Variants in ABCA12 observed in about 807,000 individuals in gnomAD.
The protein encoded by ABCA12 is glucosylceramide transporter ABCA12.
In ABCA12, 156 loss-of-function variants were observed where a neutral mutation model predicts 293.5. The ratio of observed to expected loss-of-function variants is 0.53; its 90% confidence interval spans 0.47 to 0.61. The LOEUF (loss-of-function observed/expected upper bound fraction) is 0.61, where lower values mean the gene tolerates loss of function less well. Among genes scored for constraint, ABCA12 ranks in the 20% least tolerant of loss-of-function variants. The probability of loss-of-function intolerance (pLI) is 0.00; values close to 1 mark genes in which losing one functional copy is unlikely to be tolerated. For missense variants in ABCA12, 2,797 were observed against 3,090.2 expected, an observed-to-expected ratio of 0.91 and a Z score of 2.25; for synonymous variants, 1,063 against 1,108.0, an observed-to-expected ratio of 0.96 and a Z score of 0.81.
intron 2 of ABCA12, among the ~76,000 whole-genome samples, chr2:215,087,827 A>G (rs1702072073): frequency 6.6e-6 from 1 of 152,202 alleles, no homozygotes; most frequent in South Asian, 2.1e-4. Context: ...GAGGAGCCTG[A>G]AGTACCATAA....
chr2:214,943,337 G>A (rs1476593662), intron 49 of ABCA12, among the ~76,000 whole-genome samples: 1 of 151,808 alleles, frequency 6.6e-6, no homozygotes, highest in East Asian at 1.9e-4. Flanking sequence ...AGAGATGGGG[G>A]TCTTGCCATG....
At chr2:215,022,504 T>C (rs1700652735) in intron 11 of ABCA12, 1 of 152,242 alleles carries the variant, frequency 6.6e-6, no homozygotes, top group Admixed American at 6.5e-5. Flanking sequence ...TCACAGATCA[T>C]TAATCATCAA....
At chr2:215,030,761 G>A (rs983679514) in intron 9 of ABCA12, among the ~76,000 whole-genome samples, 2 of 152,148 alleles carry the variant, frequency 1.3e-5, no homozygotes, top group Non-Finnish European at 2.9e-5. Flanking sequence ...TTTATGCAAG[G>A]ATTTTGGCCA....
chr2:215,137,521 G>A (rs1046009504), intron 1 of ABCA12, among the ~76,000 whole-genome samples: 19 of 152,246 alleles, frequency 1.2e-4, no homozygotes, highest in East Asian at 7.7e-4. Context: ...CAAAAAAGAC[G>A]TTGCAATGAG....
At chr2:215,102,011 TTTTA>T (rs995469014) in intron 2 of ABCA12, among the ~76,000 whole-genome samples, 5 of 150,772 alleles carry the variant, frequency 3.3e-5, no homozygotes, top group Non-Finnish European at 7.4e-5. Context: ...AATGGTCCTA[TTTTA>T]TTTGTTTGTA....
chr2:215,053,586 C>A (rs896031192), intron 4 of ABCA12, among the ~76,000 whole-genome samples: 1 of 152,094 alleles, frequency 6.6e-6, no homozygotes, highest in Non-Finnish European at 1.5e-5. Flanking sequence ...AGAACATTAA[C>A]TCCTCAAAAC....
intron 38 of ABCA12, among the ~76,000 whole-genome samples, chr2:214,967,158 G>A (rs1699280706): frequency 6.6e-6 from 1 of 152,094 alleles, no homozygotes; most frequent in African/African-American, 2.4e-5. Context: ...CAGAAATTGG[G>A]AAGAGAGTTG....
At position 214,955,366 on chromosome 2, in the gene ABCA12, AG is replaced by A; in HGVS notation, c.6234-6del. 3.7e-6 allele frequency: 6 copies of A among 1,614,014 alleles called. No individual in the cohort carries two copies. The highest frequency in any genetic ancestry group is 5.1e-6 in the Non-Finnish European group (6 of 1,179,904). ...ATCCAGGAAAATGTTGCATACCTGC[AG>A]GTTAAAAACACAAAGAATTAAAATT... On this transcript the variant is annotated splice_polypyrimidine_tract_variant and splice_region_variant and intron_variant, in intron 42 of 52. Transcript: ENST00000272895.
At chr2:214,932,781 A>C in intron 52 of ABCA12, 40 bp from the exon 53 acceptor site, 2 of 1,424,476 alleles carry the variant, frequency 1.4e-6, no homozygotes, top group Non-Finnish European at 2.0e-6. Context: ...ATGCCTGGTA[A>C]GCCAAAGGAA....
chr2:215,072,686 G>A (rs1186999388), intron 2 of ABCA12, among the ~76,000 whole-genome samples: 1 of 152,214 alleles, frequency 6.6e-6, no homozygotes, highest in East Asian at 1.9e-4. Context: ...AAGGCTGGGA[G>A]ATATAACAGT....
chr2:215,079,531 T>C (rs1024867640), intron 2 of ABCA12, among the ~76,000 whole-genome samples: 11 of 152,246 alleles, frequency 7.2e-5, no homozygotes, highest in African/African-American at 2.7e-4. Flanking sequence ...AAGTTTATCA[T>C]TGACTGCTTA....
chr2:215,126,409 G>T (rs1250134011), intron 1 of ABCA12, among the ~76,000 whole-genome samples: 2 of 152,108 alleles, frequency 1.3e-5, no homozygotes, highest in Non-Finnish European at 2.9e-5. Context: ...GTAGAATTCT[G>T]CTGTGAATCT....
At chr2:214,959,157 C>T in intron 39 of ABCA12, 79 bp from the exon 40 acceptor site, 5 of 1,168,944 alleles carry the variant, frequency 4.3e-6, no homozygotes, top group Non-Finnish European at 6.5e-6. Context: ...TAATATTCAA[C>T]ACTTTCCTCC....
At chr2:214,965,580 A>G (rs1207716478) in intron 39 of ABCA12, among the ~76,000 whole-genome samples, 1 of 152,204 alleles carries the variant, frequency 6.6e-6, no homozygotes, top group African/African-American at 2.4e-5. Context: ...GGGCATGAAC[A>G]GACACTTCTA....
chr2:215,054,746 G>T, intron 3 of ABCA12, 82 bp from the exon 4 acceptor site: 2 of 1,034,244 alleles, frequency 1.9e-6, no homozygotes, highest in Non-Finnish European at 3.0e-6. Flanking sequence ...CAGATTCCAG[G>T]GCTGTCTGAG....
intron 9 of ABCA12, 108 bp downstream of exon 9, chr2:215,031,713 T>A: frequency 7.2e-7 from 1 of 1,393,028 alleles, no homozygotes; most frequent in East Asian, 2.3e-5. Flanking sequence ...ATAGTTGATT[T>A]TTCTATTCCA....
intron 4 of ABCA12, 73 bp from the exon 5 acceptor site, chr2:215,052,657 A>G: frequency 3.1e-6 from 4 of 1,273,390 alleles, no homozygotes; most frequent in Non-Finnish European, 4.6e-6. Flanking sequence ...ATGAGAATCC[A>G]TAAACATCAC....
At chr2:215,063,937 A>T in intron 3 of ABCA12, 129 bp downstream of exon 3, 1 of 1,107,464 alleles carries the variant, frequency 9.0e-7, no homozygotes, top group Non-Finnish European at 1.4e-6. Flanking sequence ...TTTCATATTT[A>T]GATCATCACA....
chr2:215,109,971 A>G (rs981550912), intron 2 of ABCA12, among the ~76,000 whole-genome samples: 3 of 152,216 alleles, frequency 2.0e-5, no homozygotes, highest in African/African-American at 7.2e-5. Flanking sequence ...TGTCCTACTT[A>G]TATGGTATTC....
Sources: gnomAD v4.1 joint callset for allele counts (sites outside exome capture counted in the v4.1 genomes callset) on GRCh38, gnomAD v4.1.1 for gene constraint, MANE v1.5 for transcripts, NCBI Gene and HGNC (gene_info 2026-07-23, HGNC 2026-07-21) for gene names.